The following AAK1 variants were observed in gnomAD, a reference collection of about 807,000 sequenced individuals.
AAK1 encodes AP2-associated protein kinase 1.
Under a neutral mutation model 116.0 loss-of-function variants are expected in AAK1, and 37 were observed. That is an observed-to-expected ratio of 0.32 (90% CI 0.25 to 0.42). The LOEUF (loss-of-function observed/expected upper bound fraction) is 0.42. Ranked by LOEUF, AAK1 falls within the 10% of genes least tolerant of loss-of-function variation. The pLI is 1.00. For synonymous variants in AAK1, 458 were observed against 439.9 expected, an observed-to-expected ratio of 1.04 and a Z score of -0.51; for missense variants, 919 against 1,170.6, an observed-to-expected ratio of 0.79 and a Z score of 3.14.
At position 69,474,336 on chromosome 2, in the gene AAK1, C is replaced by T; in HGVS notation, c.*1533G>A. The T allele has an allele frequency of 1.0e-6, 1 of 985,800 alleles. No homozygotes were observed. Among genetic ancestry groups the T allele is most frequent in the African/African-American group, 1.7e-5 (1 of 57,346 alleles). The allele number at this position is 985,800 out of a possible 1,614,324, so 61.1% of individuals were successfully genotyped here. ...GGACAATGGCACTAGAGGAAAAGAACAGGAGTGGGGTTCTCTGTGCCCACT... is the reference window on the plus strand; with the variant it reads ...GGACAATGGCACTAGAGGAAAAGAATAGGAGTGGGGTTCTCTGTGCCCACT... On this transcript the variant is annotated 3_prime_UTR_variant, in exon 22 of 22. Coordinates refer to ENST00000409085, the MANE Select transcript of AAK1 (RefSeq NM_014911.5).
intron 2 of AAK1, chr2:69,597,507 G>T: frequency 6.2e-6 from 1 of 161,420 alleles, no homozygotes; most frequent in Admixed American, 6.3e-5. Flanking sequence ...TGTGCTTCTG[G>T]AGTATGAGAC....
Position 69,470,282 on chromosome 2 carries a change from A to C in AAK1, c.*5587T>G, listed in dbSNP as rs1048142113. 4 of 985,364 alleles carry C rather than the reference A, an allele frequency of 4.1e-6. No individual in the cohort carries two copies. Among genetic ancestry groups the C allele is most frequent in the Non-Finnish European group, 4.8e-6 (4 of 829,958 alleles). 61.0% of individuals were successfully genotyped at this position (985,364 alleles called of 1,614,324 possible). ...GAAGCCTTCTCACATATAGTTAGTA[A>C]ACAGAAAGCAAAATATCCCTTCACA... On this transcript the variant is annotated 3_prime_UTR_variant, in exon 22 of 22. Transcript: ENST00000409085.
Position 69,465,744 on chromosome 2 carries a change from G to T in AAK1, c.*10125C>A. ...AGAATGACCCCCAGATTCCAGGCAG[G>T]ATCCCCTGGGAGAGATGCTGTCCAG... On this transcript the variant is annotated 3_prime_UTR_variant, in exon 22 of 22. Transcript: ENST00000409085. 1 of 1,290,898 alleles carries T rather than the reference G, an allele frequency of 7.7e-7. No homozygotes were observed. The highest frequency in any genetic ancestry group is 1.0e-6 in the Non-Finnish European group (1 of 988,872). The allele number at this position is 1,290,898 out of a possible 1,614,324, so 80.0% of individuals were successfully genotyped here. A position where few individuals can be genotyped will look rare whatever the true frequency, so the allele number is the denominator to read the frequency against.
intron 18 of AAK1, 54 bp from the exon 19 acceptor site, chr2:69,481,015 G>T: frequency 7.3e-7 from 1 of 1,361,452 alleles, no homozygotes; most frequent in Non-Finnish European, 1.0e-6. Flanking sequence ...GGAGTCAGAA[G>T]TTTCTTTAGG....
intron 5 of AAK1, among the ~76,000 whole-genome samples, chr2:69,538,228 G>T (rs1670559492): frequency 6.6e-6 from 1 of 152,260 alleles, no homozygotes. Flanking sequence ...GGTGCAAGGG[G>T]TAAAGCACTG....
intron 17 of AAK1, among the ~76,000 whole-genome samples, chr2:69,491,759 A>G (rs1675530623): frequency 6.6e-6 from 1 of 152,234 alleles, no homozygotes; most frequent in African/African-American, 2.4e-5. Context: ...GATTTCATCT[A>G]ACCTTGTGAC....
intron 3 of AAK1, among the ~76,000 whole-genome samples, chr2:69,548,890 A>C (rs1484632413): frequency 6.6e-6 from 1 of 151,556 alleles, no homozygotes; most frequent in Non-Finnish European, 1.5e-5. Flanking sequence ...AGCGTGAGCC[A>C]CCACACCCGG....
At chr2:69,554,104 C>A (rs927501717) in intron 3 of AAK1, among the ~76,000 whole-genome samples, 1 of 151,524 alleles carries the variant, frequency 6.6e-6, no homozygotes, top group Non-Finnish European at 1.5e-5. Flanking sequence ...ACTGGAGGAT[C>A]GGCTCCAACA....
chr2:69,549,708 A>G (rs1671095306), intron 3 of AAK1, among the ~76,000 whole-genome samples: 1 of 152,174 alleles, frequency 6.6e-6, no homozygotes, highest in South Asian at 2.1e-4. Flanking sequence ...CTGACCACTT[A>G]AATACCTAAG....
intron 14 of AAK1, among the ~76,000 whole-genome samples, chr2:69,509,009 C>T (rs1322419287): frequency 6.6e-6 from 1 of 152,144 alleles, no homozygotes; most frequent in African/African-American, 2.4e-5. Context: ...TAGTATGGCC[C>T]ATGCACTAAA....
At chr2:69,607,705 G>C (rs1004289042) in intron 2 of AAK1, among the ~76,000 whole-genome samples, 1 of 152,126 alleles carries the variant, frequency 6.6e-6, no homozygotes, top group Non-Finnish European at 1.5e-5. Context: ...AATCATAAGA[G>C]TAATGATACA....
chr2:69,567,732 G>A (rs1017365250), intron 2 of AAK1, among the ~76,000 whole-genome samples: 1 of 152,174 alleles, frequency 6.6e-6, no homozygotes, highest in South Asian at 2.1e-4. Flanking sequence ...CAACTGAGCA[G>A]TGTGAGACAG....
chr2:69,608,496 T>C (rs781672498), intron 2 of AAK1, among the ~76,000 whole-genome samples: 3 of 152,254 alleles, frequency 2.0e-5, no homozygotes, highest in Non-Finnish European at 4.4e-5. Flanking sequence ...AAGGAGTCAG[T>C]GTAACTATGA....
intron 2 of AAK1, among the ~76,000 whole-genome samples, chr2:69,568,425 CTTTTTTT>C (rs61271799): frequency 1.5e-4 from 18 of 122,202 alleles, no homozygotes; most frequent in South Asian, 1.1e-3. Flanking sequence ...ATGTTTTCAA[CTTTTTTT>C]TTTTTTTTTT....
Position 69,470,894 on chromosome 2 carries a change from T to G in AAK1, c.*4975A>C. On this transcript the variant is annotated 3_prime_UTR_variant, in exon 22 of 22. Transcript: ENST00000409085. ...CAGGAAAAGAGCAACTTATTTTAAGTTATTTACATCTCTAAACATCATGCT... is the reference window on the plus strand; with the variant it reads ...CAGGAAAAGAGCAACTTATTTTAAGGTATTTACATCTCTAAACATCATGCT... 1 of 985,872 alleles carries G rather than the reference T, an allele frequency of 1.0e-6. No homozygotes were observed. Among genetic ancestry groups the G allele is most frequent in the Non-Finnish European group, 1.2e-6 (1 of 829,928 alleles). 61.1% of individuals were successfully genotyped at this position (985,872 alleles called of 1,614,324 possible).
intron 5 of AAK1, among the ~76,000 whole-genome samples, chr2:69,535,905 C>T (rs1273646295): frequency 6.6e-6 from 1 of 152,194 alleles, no homozygotes; most frequent in Non-Finnish European, 1.5e-5. Flanking sequence ...AAACTAATAA[C>T]AGGAACAAAG....
In AAK1 at chr2:69,643,085, ATTTTTTTTT is replaced by A. The variant is rs4067981; in HGVS notation, c.-54_-46del. 3 of 1,265,118 alleles carry A rather than the reference ATTTTTTTTT, an allele frequency of 2.4e-6. No homozygotes were observed. Among genetic ancestry groups the A allele is most frequent in the African/African-American group, 2.0e-5 (1 of 50,108 alleles). The allele number at this position is 1,265,118 out of a possible 1,614,324, so 78.4% of individuals were successfully genotyped here. ...AAAGCAAAATACCGATGGTTTCTAG[ATTTTTTTTT>A]TTTTTTTTTTTTTTTAAGAAAAGAG... On this transcript the variant is annotated 5_prime_UTR_variant, in exon 2 of 22. Coordinates refer to ENST00000409085, the MANE Select transcript of AAK1 (RefSeq NM_014911.5).
At chr2:69,624,392 C>A (rs1385253648) in intron 2 of AAK1, among the ~76,000 whole-genome samples, 1 of 152,118 alleles carries the variant, frequency 6.6e-6, no homozygotes, top group Non-Finnish European at 1.5e-5. Flanking sequence ...ATGATGCAGA[C>A]CTTTAACACA....
chr2:69,642,967 C>T lies in AAK1; in HGVS notation c.74G>A (p.Gly25Asp). 6.2e-7 allele frequency: 1 copy of T among 1,613,176 alleles called. No individual in the cohort carries two copies. The highest frequency in any genetic ancestry group is 8.5e-7 in the Non-Finnish European group (1 of 1,179,652). ...GLGSGSSGGG[G>D]STSGLGSGYI... ...GCCACTGCCCAGGCCCGAGGTGCTGCCCCCTCCTCCGCTGGAGCCGGAGCC... is the reference window on the plus strand; with the variant it reads ...GCCACTGCCCAGGCCCGAGGTGCTGTCCCCTCCTCCGCTGGAGCCGGAGCC... The change falls in exon 2 of 22, where the codon GGC becomes GAC. Residue 25 changes from glycine to aspartate, a missense_variant. Physicochemically the swap from Gly to Asp is moderately conservative, Grantham distance 94. Coordinates refer to ENST00000409085, the MANE Select transcript of AAK1 (RefSeq NM_014911.5).
Sources: gnomAD v4.1 joint callset for allele counts (sites outside exome capture counted in the v4.1 genomes callset) on GRCh38, gnomAD v4.1.1 for gene constraint, MANE v1.5 for transcripts, NCBI Gene and HGNC (gene_info 2026-07-23, HGNC 2026-07-21) for gene names.